Variants in CLNK observed in about 807,000 individuals in gnomAD.
The protein encoded by CLNK is cytokine-dependent hematopoietic cell linker.
CLNK carries 74 observed loss-of-function variants against 68.6 expected under a neutral mutation model. The observed-to-expected ratio is 1.08, with a 90% CI of 0.89 to 1.31. The LOEUF (loss-of-function observed/expected upper bound fraction) is 1.31, where lower values mean the gene tolerates loss of function less well. Among genes scored for constraint, CLNK ranks in the 50% most tolerant of loss-of-function variants. The probability of loss-of-function intolerance (pLI) is 0.00; values close to 1 mark genes in which losing one functional copy is unlikely to be tolerated. For missense variants in CLNK, 553 were observed against 515.3 expected (o/e 1.07, Z -0.71); for synonymous variants, 198 against 172.2 (o/e 1.15, Z -1.17).
intron 3 of CLNK, among the ~76,000 whole-genome samples, chr4:10,597,379 C>T (rs971078407): frequency 4.6e-5 from 7 of 151,712 alleles, no homozygotes; most frequent in African/African-American, 1.7e-4. Context: ...GACTTTAGGT[C>T]TTGTCTCTAG....
At chr4:10,517,072 A>C (rs1000988621) in intron 15 of CLNK, among the ~76,000 whole-genome samples, 1 of 152,230 alleles carries the variant, frequency 6.6e-6, no homozygotes, top group African/African-American at 2.4e-5. Flanking sequence ...TTAACTTTCA[A>C]ACACAATGAA....
intron 1 of CLNK, among the ~76,000 whole-genome samples, chr4:10,673,985 G>A (rs747921025): frequency 6.6e-6 from 1 of 152,170 alleles, no homozygotes; most frequent in African/African-American, 2.4e-5. Flanking sequence ...TTCCTGGTTA[G>A]CCACAGAAAT....
chr4:10,649,821 C>T (rs1311099102), intron 2 of CLNK, among the ~76,000 whole-genome samples: 1 of 151,956 alleles, frequency 6.6e-6, no homozygotes, highest in African/African-American at 2.4e-5. Flanking sequence ...ACAATTTCAA[C>T]CCAGGCCTCA....
chr4:10,713,186 T>G, the CLNK span, among the ~76,000 whole-genome samples: 2 of 152,172 alleles, frequency 1.3e-5, no homozygotes, highest in African/African-American at 2.4e-5. Flanking sequence ...GTAAAAGTGG[T>G]GGTCACAGAG....
At chr4:10,682,026 A>T (rs1319362960) in intron 1 of CLNK, among the ~76,000 whole-genome samples, 2 of 152,206 alleles carry the variant, frequency 1.3e-5, no homozygotes, top group African/African-American at 4.8e-5. Flanking sequence ...AATAATCACA[A>T]TAATGATTCC....
At chr4:10,674,564 C>T (rs970972011) in intron 1 of CLNK, among the ~76,000 whole-genome samples, 1 of 152,034 alleles carries the variant, frequency 6.6e-6, no homozygotes, top group Admixed American at 6.6e-5. Context: ...AAAATGAACC[C>T]CAGTTTGAGA....
chr4:10,666,444 T>C (rs959049920), intron 2 of CLNK, among the ~76,000 whole-genome samples: 23 of 152,368 alleles, frequency 1.5e-4, no homozygotes, highest in African/African-American at 5.0e-4. Context: ...CCAGCTCACC[T>C]GGATTGACAT....
chr4:10,728,519 C>T, the CLNK span, among the ~76,000 whole-genome samples: 1 of 151,600 alleles, frequency 6.6e-6, no homozygotes, highest in African/African-American at 2.4e-5. Flanking sequence ...GGTACCTTTA[C>T]CAAAGAACTG....
At chr4:10,673,406 C>T (rs4697777) in intron 1 of CLNK, among the ~76,000 whole-genome samples, 76,249 of 151,880 alleles carry the variant, frequency 0.5, 19,271 homozygotes, top group South Asian at 0.54. Flanking sequence ...TCCAACACTA[C>T]GTTGAATAGG....
At chr4:10,569,188 C>CCT (rs759783606) in intron 5 of CLNK, among the ~76,000 whole-genome samples, 12 of 124,390 alleles carry the variant, frequency 9.6e-5, no homozygotes, top group African/African-American at 2.8e-4. Flanking sequence ...CAAGACTGCC[C>CCT]TTTTTTTTTT....
At chr4:10,637,848 C>T (rs534912485) in intron 2 of CLNK, among the ~76,000 whole-genome samples, 75 of 151,838 alleles carry the variant, frequency 4.9e-4, no homozygotes, top group Admixed American at 1.4e-3. Flanking sequence ...GTGATTCACC[C>T]GCCTCAGCCT....
At chr4:10,494,943 A>G (rs895434326) in intron 18 of CLNK, among the ~76,000 whole-genome samples, 1 of 152,104 alleles carries the variant, frequency 6.6e-6, no homozygotes, top group Non-Finnish European at 1.5e-5. Flanking sequence ...TTTATTCTAT[A>G]TATGAACTGT....
intron 2 of CLNK, among the ~76,000 whole-genome samples, chr4:10,604,507 TG>T (rs1425712089): frequency 6.6e-6 from 1 of 152,008 alleles, no homozygotes; most frequent in African/African-American, 2.4e-5. Flanking sequence ...ATGGCCTAGA[TG>T]CCAGTCAACA....
At chr4:10,678,721 A>G (rs1426656732) in intron 1 of CLNK, among the ~76,000 whole-genome samples, 4 of 152,144 alleles carry the variant, frequency 2.6e-5, no homozygotes, top group African/African-American at 4.8e-5. Context: ...TAGCATTCTT[A>G]TACACCAATA....
At chr4:10,711,756 T>C in the CLNK span, among the ~76,000 whole-genome samples, 3 of 152,250 alleles carry the variant, frequency 2.0e-5, no homozygotes, top group Non-Finnish European at 4.4e-5. Flanking sequence ...TCATCCACTT[T>C]ACTAAAGAAT....
chr4:10,636,687 T>C (rs1029515427), intron 2 of CLNK, among the ~76,000 whole-genome samples: 2 of 152,070 alleles, frequency 1.3e-5, no homozygotes, highest in African/African-American at 2.4e-5. Flanking sequence ...ACCGTGCACT[T>C]GGGAATGTGT....
chr4:10,611,556 C>T (rs1420125227), intron 2 of CLNK, among the ~76,000 whole-genome samples: 1 of 151,108 alleles, frequency 6.6e-6, no homozygotes, highest in Non-Finnish European at 1.5e-5. Context: ...CTGGGAGGGG[C>T]CTCCCGTGAG....
At chr4:10,561,688 T>C (rs907120222) in intron 7 of CLNK, among the ~76,000 whole-genome samples, 1 of 152,202 alleles carries the variant, frequency 6.6e-6, no homozygotes, top group Non-Finnish European at 1.5e-5. Context: ...ATGAGTGCCC[T>C]GAAATGCTCT....
In CLNK at chr4:10,500,973, C is replaced by T. The variant is rs117920611; in HGVS notation, c.1140+283G>A. Among the ~76,000 whole-genome samples the T allele has an allele frequency of 8.5e-5, 13 of 152,276 alleles. No individual in the cohort carries two copies. The East Asian group carries it at 1.3e-3, about 16-fold the overall frequency. ...AGGAATTTGGCATTAGTGTATGCTC[C>T]GCTGGAAGCTTCCTGGGAGGCAGAG... On this transcript the variant is annotated intron_variant, in intron 18 of 18. Transcript: ENST00000226951.
Sources: allele counts gnomAD v4.1 joint callset (sites outside exome capture counted in the v4.1 genomes callset), GRCh38; gene constraint gnomAD v4.1.1; transcripts MANE v1.5; gene names NCBI Gene and HGNC (gene_info 2026-07-23, HGNC 2026-07-21).